Variants in TTF1 observed in about 807,000 individuals in gnomAD.
TTF1 encodes the protein transcription termination factor 1.
Under a neutral mutation model 80.2 loss-of-function variants are expected in TTF1, and 64 were observed. That is an observed-to-expected ratio of 0.80 (90% CI 0.65 to 0.98). TTF1 has a LOEUF of 0.98. TTF1 is among the 50% of genes least tolerant of loss of function. The pLI is 0.00. For synonymous variants in TTF1, 372 were observed against 382.7 expected (o/e 0.97, Z 0.33); for missense variants, 1,023 against 1,086.2 (o/e 0.94, Z 0.82).
At position 132,401,910 on chromosome 9, in the gene TTF1, C is replaced by T. The variant is rs140776005; in HGVS notation, c.912G>A (p.Gly304=). The T allele has an allele frequency of 0.011, 17,735 of 1,612,260 alleles. 138 individuals carry two copies. Among genetic ancestry groups the T allele is most frequent in the Middle Eastern group, 0.016 (97 of 6,056 alleles). Residue 304 remains glycine (G), a synonymous_variant, in exon 2 of 11, where the codon GGG becomes GGA. Transcript: ENST00000334270. ...PEGSQVGSEV[G]ADMQESRPAV... ...CAGGCCGGGATTCCTGCATATCAGC[C>T]CCAACCTCACTGCCCACTTGTGATC...
At chr9:132,387,050 T>A (rs1849481448) in intron 8 of TTF1, among the ~76,000 whole-genome samples, 1 of 152,150 alleles carries the variant, frequency 6.6e-6, no homozygotes, top group South Asian at 2.1e-4. Flanking sequence ...CTCGACCACC[T>A]GGACTCAGGC....
intron 10 of TTF1, among the ~76,000 whole-genome samples, chr9:132,377,549 G>C (rs1316580193): frequency 1.4e-5 from 2 of 145,936 alleles, no homozygotes; most frequent in African/African-American, 5.1e-5. Flanking sequence ...CATGTGGTGT[G>C]TGTGTGAATG....
At chr9:132,385,473 C>A (rs543766467) in intron 9 of TTF1, among the ~76,000 whole-genome samples, 1 of 152,290 alleles carries the variant, frequency 6.6e-6, no homozygotes, top group East Asian at 1.9e-4. Context: ...ACGCACCCAG[C>A]CCATCGCTGC....
At chr9:132,386,772 C>T (rs75318823) in intron 8 of TTF1, 151 bp from the exon 9 acceptor site, 7 of 636,524 alleles carry the variant, frequency 1.1e-5, no homozygotes, top group Non-Finnish European at 1.9e-5. Flanking sequence ...CTCAGCATCC[C>T]AGCCCAAGGT....
Position 132,375,659 on chromosome 9 carries a change from C to T in TTF1, c.*256G>A, listed in dbSNP as rs952761180. 3 of 329,178 alleles carry T rather than the reference C, an allele frequency of 9.1e-6. No homozygotes were observed. Among genetic ancestry groups the T allele is most frequent in the Non-Finnish European group, 1.7e-5 (3 of 177,118 alleles). 20.4% of individuals were successfully genotyped at this position (329,178 alleles called of 1,614,324 possible). A position where few individuals can be genotyped will look rare whatever the true frequency, so the allele number is the denominator to read the frequency against. ...CTTTATTAAACATCAATACTGAAAA[C>T]AGATTTACTGACATATGTATATAAA... is the stretch of plus-strand genomic sequence containing the variant. On this transcript the variant is annotated 3_prime_UTR_variant, in exon 11 of 11. Transcript: ENST00000334270.
chr9:132,392,063 G>C lies in TTF1; in HGVS notation c.1987+13C>G. 3.1e-6 allele frequency: 5 copies of C among 1,613,586 alleles called. No homozygotes were observed. Among genetic ancestry groups the C allele is most frequent in the Non-Finnish European group, 4.2e-6 (5 of 1,179,978 alleles). On this transcript the variant is annotated intron_variant, in intron 6 of 10. Coordinates refer to ENST00000334270, the MANE Select transcript of TTF1 (RefSeq NM_007344.4). The stretch of plus-strand genomic sequence containing the variant: ...TTTCTTCAGCGAGGTGGGCACTGGG[G>C]GCTGCCACTTACGACTGCTGATCTG...
rs1369264174 is a variant in TTF1, at chr9:132,401,898, C to T, written c.924G>A (p.Gln308=). 1 of 1,610,390 alleles carries T rather than the reference C, an allele frequency of 6.2e-7. No homozygotes were observed. The highest frequency in any genetic ancestry group is 2.3e-5 in the East Asian group (1 of 44,126). ...GCAGGCCCACAGCAGGCCGGGATTC[C>T]TGCATATCAGCCCCAACCTCACTGC... ...QVGSEVGADM[Q]ESRPAVGLHG... is the part of the protein sequence containing the mutation. The change falls in exon 2 of 11, where the codon CAG becomes CAA. Residue 308 remains glutamine (Q), a synonymous_variant. Coordinates refer to ENST00000334270, the MANE Select transcript of TTF1 (RefSeq NM_007344.4).
rs762682259 is a variant in TTF1, at chr9:132,402,832, T to C, written c.-7-4A>G. The C allele has an allele frequency of 3.2e-6, 5 of 1,562,420 alleles. No homozygotes were observed. The highest frequency in any genetic ancestry group is 4.5e-5 in the East Asian group (2 of 44,464). On this transcript the variant is annotated splice_polypyrimidine_tract_variant and splice_region_variant and intron_variant, in intron 1 of 10. Coordinates refer to ENST00000334270, the MANE Select transcript of TTF1 (RefSeq NM_007344.4). ...TGATTCTCCTTCCATTTTATTCCTA[T>C]ATGGAAATGTGACAACAATGGTTTA...
intron 9 of TTF1, among the ~76,000 whole-genome samples, chr9:132,382,415 A>T (rs1479400452): frequency 6.6e-6 from 1 of 152,076 alleles, no homozygotes; most frequent in East Asian, 1.9e-4. Context: ...GCTAAATAAT[A>T]AAAAAAAGTC....
In TTF1 at chr9:132,375,691, C is replaced by G; in HGVS notation, c.*224G>C. On this transcript the variant is annotated 3_prime_UTR_variant, in exon 11 of 11. Coordinates refer to ENST00000334270, the MANE Select transcript of TTF1 (RefSeq NM_007344.4). ...ACTGACATATGTATATAAATATAAT[C>G]AAACTGAGAAAAAGGGACAAGAAAT... The G allele has an allele frequency of 4.5e-6, 2 of 442,210 alleles. No homozygotes were observed. Among genetic ancestry groups the G allele is most frequent in the Non-Finnish European group, 8.2e-6 (2 of 244,286 alleles). 27.4% of individuals were successfully genotyped at this position (442,210 alleles called of 1,614,324 possible). A position where few individuals can be genotyped will look rare whatever the true frequency, so the allele number is the denominator to read the frequency against.
In TTF1 at chr9:132,375,902, C is replaced by A; in HGVS notation, c.*13G>T. On this transcript the variant is annotated 3_prime_UTR_variant, in exon 11 of 11. Transcript: ENST00000334270. The stretch of plus-strand genomic sequence containing the variant: ...TTCACCATGTTGGTCAGGCCGGTCT[C>A]GAACTCCTGACCTCAGATGATCCAC... 6.6e-7 allele frequency: 1 copy of A among 1,507,534 alleles called. No homozygotes were observed. The highest frequency in any genetic ancestry group is 1.2e-5 in the South Asian group (1 of 86,602). 93.4% of individuals were successfully genotyped at this position (1,507,534 alleles called of 1,614,324 possible).
Position 132,398,250 on chromosome 9 carries a change from G to A in TTF1, c.1668C>T (p.Ala556=). ...TGTCTGCACTCTCAATGCCTGTCAG[G>A]GCTAGAAAGTCTTCCACATTTTTCT... ...QLEKNVEDFL[A]LTGIESADKL... Residue 556 remains alanine (A), a synonymous_variant, in exon 4 of 11, where the codon GCC becomes GCT. Transcript: ENST00000334270. The A allele has an allele frequency of 1.2e-6, 2 of 1,608,800 alleles. No homozygotes were observed. The highest frequency in any genetic ancestry group is 1.7e-6 in the Non-Finnish European group (2 of 1,178,298).
At chr9:132,382,638 G>A (rs1849387199) in intron 9 of TTF1, among the ~76,000 whole-genome samples, 1 of 151,968 alleles carries the variant, frequency 6.6e-6, no homozygotes, top group Non-Finnish European at 1.5e-5. Context: ...TAGATTAAAA[G>A]ACAGTAAGGA....
In TTF1 at chr9:132,376,188, T is replaced by C. The variant is rs763585431; in HGVS notation, c.2465-20A>G. On this transcript the variant is annotated intron_variant, in intron 10 of 10. Transcript: ENST00000334270. ...TGATCTCTACAGAAAAGAAATTTAA[T>C]TGTGCAGTTATCTGTCTGTACAAGG... 1.2e-6 allele frequency: 2 copies of C among 1,603,458 alleles called. No homozygotes were observed. Among genetic ancestry groups the C allele is most frequent in the South Asian group, 2.2e-5 (2 of 90,228 alleles).
In TTF1 at chr9:132,390,727, C is replaced by CCA; in HGVS notation, c.2090_2091dup (p.Asp698TrpfsTer27). 2 of 1,614,212 alleles carry CCA rather than the reference C, an allele frequency of 1.2e-6. No homozygotes were observed. The highest frequency in any genetic ancestry group is 8.5e-7 in the Non-Finnish European group (1 of 1,180,034). The stretch of plus-strand genomic sequence containing the variant: ...TCAGGATTTTCTTGGAGTTTGGAAT[C>CCA]CACCTCTTTTAACTCCTGGGGAGAC... On this transcript the variant is annotated frameshift_variant, in exon 7 of 11. Coordinates refer to ENST00000334270, the MANE Select transcript of TTF1 (RefSeq NM_007344.4). LOFTEE classifies it high-confidence loss of function.
Position 132,375,723 on chromosome 9 carries a change from C to T in TTF1, c.*192G>A, listed in dbSNP as rs963617249. On this transcript the variant is annotated 3_prime_UTR_variant, in exon 11 of 11. Coordinates refer to ENST00000334270, the MANE Select transcript of TTF1 (RefSeq NM_007344.4). ...AGAAAAAGGGACAAGAAATAGTAAT[C>T]TCTCTCTCTCATGCGGTGGTGCGAT... is the stretch of plus-strand genomic sequence containing the variant. 2.0e-6 allele frequency: 1 copy of T among 496,878 alleles called. No individual in the cohort carries two copies. Among genetic ancestry groups the T allele is most frequent in the Non-Finnish European group, 3.6e-6 (1 of 277,618 alleles). The allele number at this position is 496,878 out of a possible 1,614,324, so 30.8% of individuals were successfully genotyped here. A position where few individuals can be genotyped will look rare whatever the true frequency, so the allele number is the denominator to read the frequency against.
chr9:132,405,043 G>A (rs573563172), intron 1 of TTF1, among the ~76,000 whole-genome samples: 1 of 150,236 alleles, frequency 6.7e-6, no homozygotes, highest in African/African-American at 2.5e-5. Context: ...CCGCCACGAC[G>A]CCAGGCTAAT....
In TTF1 at chr9:132,375,974, ATGGCGCC is replaced by A. The variant is rs1174797968; in HGVS notation, c.2652_2658del (p.Gln884HisfsTer29). 1 of 1,612,726 alleles carries A rather than the reference ATGGCGCC, an allele frequency of 6.2e-7. No individual in the cohort carries two copies. The highest frequency in any genetic ancestry group is 2.2e-5 in the East Asian group (1 of 44,878). On this transcript the variant is annotated frameshift_variant, in exon 11 of 11. Transcript: ENST00000334270. LOFTEE classifies it high-confidence loss of function. ...CTGGAATTACAGGCGTGAGCCATGC[ATGGCGCC>A]TGGCCTTCGCTTTCTTTTTCTATGT...
chr9:132,388,180 A>G lies in TTF1; in HGVS notation c.2271T>C (p.Tyr757=), dbSNP rs758900090. ...KRMTNGRRIY[Y]GMNALRAKVS... Reference sequence around the variant, plus strand: ...CCTTGGCCCGCAGGGCATTCATGCCATAGTAGATACGCCGACCATTAGTCA... The same window carrying G: ...CCTTGGCCCGCAGGGCATTCATGCCGTAGTAGATACGCCGACCATTAGTCA... Residue 757 remains tyrosine (Y), a synonymous_variant, in exon 8 of 11, where the codon TAT becomes TAC. Coordinates refer to ENST00000334270, the MANE Select transcript of TTF1 (RefSeq NM_007344.4). 18 of 1,612,458 alleles carry G rather than the reference A, an allele frequency of 1.1e-5. 1 individual carries two copies. In the South Asian group the frequency reaches 1.5e-4, roughly 14 times the overall value.
Sources: allele counts gnomAD v4.1 joint callset (sites outside exome capture counted in the v4.1 genomes callset), GRCh38; gene constraint gnomAD v4.1.1; transcripts MANE v1.5; gene names NCBI Gene and HGNC (gene_info 2026-07-23, HGNC 2026-07-21).